Variants in DLGAP2 observed in about 807,000 individuals in gnomAD.
DLGAP2 encodes the protein disks large-associated protein 2.
Under a neutral mutation model 100.3 loss-of-function variants are expected in DLGAP2, and 26 were observed. The ratio of observed to expected loss-of-function variants is 0.26; its 90% CI spans 0.19 to 0.36. The LOEUF is 0.36. Ranked by LOEUF, DLGAP2 falls within the 10% of genes least tolerant of loss-of-function variation. DLGAP2 has a pLI of 1.00. For synonymous variants in DLGAP2, 886 were observed against 630.1 expected, an observed-to-expected ratio of 1.41 and a Z score of -6.08; for missense variants, 1,858 against 1,453.2, an observed-to-expected ratio of 1.28 and a Z score of -4.53.
chr8:1,174,882 G>A (rs1797220759), intron 2 of DLGAP2, among the ~76,000 whole-genome samples: 3 of 152,168 alleles, frequency 2.0e-5, no homozygotes, highest in Admixed American at 6.5e-5. Context: ...GTGAGGGAAA[G>A]AAGGTGAGAC....
intron 2 of DLGAP2, among the ~76,000 whole-genome samples, chr8:913,037 C>T (rs902610581): frequency 2.0e-5 from 3 of 152,220 alleles, no homozygotes; most frequent in African/African-American, 7.2e-5. Flanking sequence ...TGAAATGTAA[C>T]CTTTGTAACA....
At chr8:904,256 A>G (rs956776003) in intron 1 of DLGAP2, among the ~76,000 whole-genome samples, 5 of 152,132 alleles carry the variant, frequency 3.3e-5, no homozygotes, top group African/African-American at 1.2e-4. Context: ...GTGATGGCTC[A>G]TGCCTGTAAT....
chr8:1,438,727 G>A (rs912180666), intron 3 of DLGAP2, among the ~76,000 whole-genome samples: 6 of 152,196 alleles, frequency 3.9e-5, no homozygotes, highest in African/African-American at 1.4e-4. Context: ...ACTTCCGCAT[G>A]CACAGACTGT....
chr8:1,369,033 C>A (rs1435794790), intron 3 of DLGAP2: 1 of 152,226 alleles, frequency 6.6e-6, no homozygotes, highest in East Asian at 1.9e-4. Context: ...CACAGGTAGA[C>A]ACTGAGCTAG....
chr8:1,100,495 A>G (rs1277254846), intron 2 of DLGAP2, among the ~76,000 whole-genome samples: 1 of 146,858 alleles, frequency 6.8e-6, no homozygotes, highest in East Asian at 2.1e-4. Context: ...AAAAACATGT[A>G]TTAGAGTTTG....
At chr8:1,615,226 C>T (rs1416940423) in intron 6 of DLGAP2, among the ~76,000 whole-genome samples, 1 of 152,148 alleles carries the variant, frequency 6.6e-6, no homozygotes, top group African/African-American at 2.4e-5. Context: ...AGGCTGAACC[C>T]CACCAAGTGC....
intron 1 of DLGAP2, among the ~76,000 whole-genome samples, chr8:770,838 C>G (rs773427437): frequency 1.3e-5 from 2 of 151,658 alleles, no homozygotes; most frequent in Non-Finnish European, 2.9e-5. Context: ...TGACATTTAA[C>G]TCATAAACCT....
chr8:1,421,814 A>T (rs1797094484), intron 3 of DLGAP2, among the ~76,000 whole-genome samples: 1 of 152,060 alleles, frequency 6.6e-6, no homozygotes, highest in Non-Finnish European at 1.5e-5. Context: ...AAATACAAAA[A>T]TTAGCCAGGT....
At chr8:971,619 T>C (rs1341704888) in intron 2 of DLGAP2, among the ~76,000 whole-genome samples, 1 of 152,188 alleles carries the variant, frequency 6.6e-6, no homozygotes, top group Non-Finnish European at 1.5e-5. Flanking sequence ...GTTTTATTTC[T>C]AGGAGCCACA....
At chr8:1,240,318 G>T (rs1192212055) in intron 2 of DLGAP2, among the ~76,000 whole-genome samples, 1 of 139,974 alleles carries the variant, frequency 7.1e-6, no homozygotes, top group Middle Eastern at 4.3e-3. Flanking sequence ...ACATGGTGCT[G>T]TGTCTAGTTC....
chr8:1,094,701 G>T (rs951117260), intron 2 of DLGAP2, among the ~76,000 whole-genome samples: 8 of 152,222 alleles, frequency 5.3e-5, no homozygotes, highest in Admixed American at 1.3e-4. Flanking sequence ...CGTGCAGCGG[G>T]CACAAGAGTG....
chr8:920,804 A>C (rs1325330968), intron 2 of DLGAP2, among the ~76,000 whole-genome samples: 10 of 152,332 alleles, frequency 6.6e-5, no homozygotes, highest in Non-Finnish European at 1.2e-4. Context: ...AAAAAAAAAT[A>C]AATAAAAATA....
intron 2 of DLGAP2, among the ~76,000 whole-genome samples, chr8:934,895 T>G (rs1207199582): frequency 1.3e-5 from 2 of 152,126 alleles, no homozygotes; most frequent in Admixed American, 1.3e-4. Flanking sequence ...AGATAGAGCT[T>G]TCCCTCAGCT....
At chr8:971,988 G>C (rs1212352703) in intron 2 of DLGAP2, among the ~76,000 whole-genome samples, 2 of 152,146 alleles carry the variant, frequency 1.3e-5, no homozygotes, top group Non-Finnish European at 2.9e-5. Context: ...CATCAGTAGG[G>C]CTCCTGTATA....
intron 4 of DLGAP2, among the ~76,000 whole-genome samples, chr8:1,504,952 T>A (rs1411390648): frequency 1.3e-5 from 2 of 151,962 alleles, no homozygotes; most frequent in Non-Finnish European, 2.9e-5. Context: ...TTGAGAATCC[T>A]GATATAAAAC....
intron 3 of DLGAP2, among the ~76,000 whole-genome samples, chr8:1,487,416 G>A (rs1482126410): frequency 2.0e-5 from 3 of 152,160 alleles, no homozygotes; most frequent in Admixed American, 6.5e-5. Flanking sequence ...TTTAGAAAAT[G>A]AGAATAAAAA....
In DLGAP2 at chr8:1,071,615, C is replaced by T. The variant is rs543542139; in HGVS notation, c.73+163649C>T. ...GTCTAATTTTTTCCATATCCATTTTCCACCTGGTTCATTTAGTGATACCGA... is the reference window on the plus strand; with the variant it reads ...GTCTAATTTTTTCCATATCCATTTTTCACCTGGTTCATTTAGTGATACCGA... On this transcript the variant is annotated intron_variant, in intron 2 of 14. Transcript: ENST00000637795. Among the ~76,000 whole-genome samples the T allele has an allele frequency of 1.1e-4, 17 of 152,318 alleles. No individual in the cohort carries two copies. The South Asian group carries it at 3.3e-3, about 30-fold the overall frequency.
At position 1,039,550 on chromosome 8, in the gene DLGAP2, G is replaced by T. The variant is rs532204979; in HGVS notation, c.73+131584G>T. 2.1e-4 allele frequency among the ~76,000 whole-genome samples: 24 copies of T among 114,336 alleles called. 1 individual carries two copies. Among genetic ancestry groups the T allele is most frequent in the African/African-American group, 8.2e-4 (23 of 28,048 alleles). 75.0% of individuals were successfully genotyped at this position (114,336 alleles called of 152,430 possible). ...GCTCGGTGTGCGTGGTCAGCTTGGT[G>T]TGCGTGGTCAGCTTGGTGTGCGTGG... On this transcript the variant is annotated intron_variant, in intron 2 of 14. Transcript: ENST00000637795.
chr8:1,051,058 G>C (rs1181200154), intron 2 of DLGAP2, among the ~76,000 whole-genome samples: 4 of 149,814 alleles, frequency 2.7e-5, no homozygotes, highest in African/African-American at 9.9e-5. Context: ...CATTTCGTGG[G>C]TGGGGGTCAT....
Sources: gnomAD v4.1 joint callset for allele counts (sites outside exome capture counted in the v4.1 genomes callset) on GRCh38, gnomAD v4.1.1 for gene constraint, MANE v1.5 for transcripts, NCBI Gene and HGNC (gene_info 2026-07-23, HGNC 2026-07-21) for gene names.